The following ATG4A variants were observed in gnomAD, a reference collection of about 807,000 sequenced individuals.
The protein encoded by ATG4A is cysteine protease ATG4A.
Under a neutral mutation model 38.4 loss-of-function variants are expected in ATG4A, and 22 were observed. The ratio of observed to expected loss-of-function variants is 0.57; its 90% CI spans 0.41 to 0.82. The LOEUF (loss-of-function observed/expected upper bound fraction) is 0.82, where lower values mean the gene tolerates loss of function less well. ATG4A is among the 40% of genes least tolerant of loss of function. The pLI is 0.00. For synonymous variants in ATG4A, 86 were observed against 100.7 expected (o/e 0.85, Z 0.88); for missense variants, 220 against 290.0 (o/e 0.76, Z 1.75).
At chrX:108,147,677 A>T (rs2033456723) in intron 9 of ATG4A, among the ~76,000 whole-genome samples, 1 of 111,301 alleles carries the variant, frequency 9.0e-6, no homozygotes, top group African/African-American at 3.3e-5. Context: ...ACTTAGGAGC[A>T]ACCAACTAGC....
intron 2 of ATG4A, among the ~76,000 whole-genome samples, 189 bp downstream of exon 2, chrX:108,126,376 A>G (rs1292884004): frequency 1.8e-5 from 2 of 111,895 alleles, no homozygotes; most frequent in Non-Finnish European, 3.8e-5. Flanking sequence ...GGCCCCTTCC[A>G]AGGCCCTGAA....
At chrX:108,123,886 A>G (rs2032726778) in intron 1 of ATG4A, among the ~76,000 whole-genome samples, 1 of 112,051 alleles carries the variant, frequency 8.9e-6, no homozygotes, top group Non-Finnish European at 1.9e-5. Context: ...GGCCAGTACT[A>G]AAAAAAGACC....
intron 1 of ATG4A, among the ~76,000 whole-genome samples, chrX:108,117,056 G>A (rs1170260410): frequency 1.8e-5 from 2 of 111,801 alleles, no homozygotes; most frequent in African/African-American, 6.5e-5. Context: ...GAATTACTAA[G>A]ATATGTTGCT....
At chrX:108,095,598 T>C (rs1017930271) in intron 1 of ATG4A, among the ~76,000 whole-genome samples, 16 of 111,857 alleles carry the variant, frequency 1.4e-4, no homozygotes, top group Admixed American at 7.5e-4. Context: ...CTGTTTAAGT[T>C]TTTGAGAAAC....
At chrX:108,133,658 G>C (rs1028421910) in intron 4 of ATG4A, among the ~76,000 whole-genome samples, 1 of 112,359 alleles carries the variant, frequency 8.9e-6, no homozygotes, top group African/African-American at 3.2e-5. Context: ...AGCCATTGCT[G>C]TCTATGTGGA....
At chrX:108,097,934 A>T (rs1045646990) in intron 1 of ATG4A, among the ~76,000 whole-genome samples, 3 of 112,299 alleles carry the variant, frequency 2.7e-5, no homozygotes, top group Non-Finnish European at 3.8e-5. Flanking sequence ...AAGATGAGAC[A>T]TCTTAATCTG....
intron 7 of ATG4A, 32 bp downstream of exon 7, chrX:108,137,202 G>A (rs2033128553): frequency 9.0e-7 from 1 of 1,106,076 alleles, no homozygotes; most frequent in Non-Finnish European, 1.2e-6. Context: ...CTTCCCAGCT[G>A]ATGGGTGATG....
At chrX:108,090,738 CAGG>C (rs897980258), upstream of ATG4A, among the ~76,000 whole-genome samples, 3 of 112,295 alleles carry the variant, frequency 2.7e-5, no homozygotes, top group African/African-American at 6.5e-5. Flanking sequence ...GTCCTGTGAG[CAGG>C]AGGGCAGAAA....
In ATG4A at chrX:108,151,831, T is replaced by C; in HGVS notation, c.990T>C (p.Phe330=). 1 of 1,209,302 alleles carries C rather than the reference T, an allele frequency of 8.3e-7. No individual in the cohort carries two copies. The highest frequency in any genetic ancestry group is 1.8e-5 in the South Asian group (1 of 56,493). Residue 330 remains phenylalanine (F), a synonymous_variant, in exon 11 of 13, where the codon TTT becomes TTC. Transcript: ENST00000372232. Reference sequence around the variant, plus strand: ...TTTTCTGCAAAGAAGAAAAAGACTTTGATAACTGGTGTAGCCTTGTTCAGA... The same window carrying C: ...TTTTCTGCAAAGAAGAAAAAGACTTCGATAACTGGTGTAGCCTTGTTCAGA... ...LGFFCKEEKD[F]DNWCSLVQKE...
At chrX:108,148,637 T>A (rs775256311) in intron 9 of ATG4A, among the ~76,000 whole-genome samples, 4 of 111,105 alleles carry the variant, frequency 3.6e-5, no homozygotes, top group African/African-American at 1.3e-4. Context: ...ATGACTCAGT[T>A]CTAACCCTGT....
At chrX:108,143,825 A>T (rs1430311270) in intron 9 of ATG4A, 1 of 139,898 alleles carries the variant, frequency 7.1e-6, no homozygotes, top group African/African-American at 3.2e-5. Context: ...TGGACCTGTG[A>T]ATCCTGGCTA....
chrX:108,108,159 C>CCT (rs1555987806), intron 1 of ATG4A, among the ~76,000 whole-genome samples: 2 of 65,763 alleles, frequency 3.0e-5, no homozygotes, highest in Non-Finnish European at 5.3e-5. Flanking sequence ...TTTTGAGGCA[C>CCT]TTTTTTTTTT....
intron 9 of ATG4A, chrX:108,143,804 T>A (rs1296178422): frequency 1.2e-5 from 2 of 167,989 alleles, no homozygotes; most frequent in Non-Finnish European, 2.3e-5. Context: ...CCACTTCCAC[T>A]CCTTGATTCC....
chrX:108,131,923 G>A (rs753327769), intron 4 of ATG4A, among the ~76,000 whole-genome samples: 115 of 109,326 alleles, frequency 1.1e-3, no homozygotes, highest in African/African-American at 3.7e-3. Context: ...TTTTTGAGTC[G>A]GAGTTTCGCT....
At chrX:108,112,350 A>G (rs1317692668) in intron 1 of ATG4A, among the ~76,000 whole-genome samples, 1 of 110,792 alleles carries the variant, frequency 9.0e-6, no homozygotes, top group African/African-American at 3.3e-5. Flanking sequence ...TTAACATTTT[A>G]ACCATCCTGA....
chrX:108,153,721 G>A lies in ATG4A; in HGVS notation c.*9G>A. On this transcript the variant is annotated 3_prime_UTR_variant, in exon 13 of 13. Transcript: ENST00000372232. ...AGATTCTGAGTGTGTAGAATCCTGGGAACTCAACTTGAAGGTCTGTCTTCC... is the reference window on the plus strand; with the variant it reads ...AGATTCTGAGTGTGTAGAATCCTGGAAACTCAACTTGAAGGTCTGTCTTCC... 1 of 1,191,918 alleles carries A rather than the reference G, an allele frequency of 8.4e-7. No homozygotes were observed. Among genetic ancestry groups the A allele is most frequent in the Non-Finnish European group, 1.1e-6 (1 of 879,643 alleles).
chrX:108,112,868 A>ATGTGTGTG (rs908759023), intron 1 of ATG4A, among the ~76,000 whole-genome samples: 10 of 109,900 alleles, frequency 9.1e-5, no homozygotes, highest in African/African-American at 3.3e-4. Flanking sequence ...TAGTCTGTGT[A>ATGTGTGTG]TGTGTGTGTG....
intron 4 of ATG4A, among the ~76,000 whole-genome samples, chrX:108,133,652 A>G (rs1339396758): frequency 1.8e-5 from 2 of 112,218 alleles, no homozygotes; most frequent in South Asian, 3.7e-4. Flanking sequence ...AGCAAAAGCC[A>G]TTGCTGTCTA....
At chrX:108,137,714 C>T (rs1406568895) in intron 7 of ATG4A, 90 bp from the exon 8 acceptor site, 2 of 910,324 alleles carry the variant, frequency 2.2e-6, no homozygotes. Context: ...GGGTGGGGGG[C>T]ATGTGAGGTT....
Sources: gnomAD v4.1 joint callset for allele counts (sites outside exome capture counted in the v4.1 genomes callset) on GRCh38, gnomAD v4.1.1 for gene constraint, MANE v1.5 for transcripts, NCBI Gene and HGNC (gene_info 2026-07-23, HGNC 2026-07-21) for gene names.